Variants in KMT5C observed in about 807,000 individuals in gnomAD.
KMT5C encodes the protein lysine methyltransferase 5C.
Under a neutral mutation model 38.2 loss-of-function variants are expected in KMT5C, and 16 were observed. That is an observed-to-expected ratio of 0.42 (90% confidence interval 0.28 to 0.64). The LOEUF is 0.64. Ranked by LOEUF, KMT5C falls within the 30% of genes least tolerant of loss-of-function variation. KMT5C has a pLI of 0.23. For synonymous variants in KMT5C, 291 were observed against 279.0 expected, an observed-to-expected ratio of 1.04 and a Z score of -0.43; for missense variants, 598 against 665.1, an observed-to-expected ratio of 0.90 and a Z score of 1.11.
chr19:55,341,639 A>AG, intron 1 of KMT5C, 155 bp from the exon 2 acceptor site: 1 of 440,292 alleles, frequency 2.3e-6, no homozygotes, highest in Non-Finnish European at 4.2e-6. Context: ...TTGTGTGTTT[A>AG]GGGGGGATCT....
At chr19:55,342,112 C>T (rs1438642674) in intron 2 of KMT5C, 66 bp downstream of exon 2, 2 of 1,575,298 alleles carry the variant, frequency 1.3e-6, no homozygotes, top group East Asian at 2.2e-5. Flanking sequence ...ACCGCTGCCG[C>T]CCCTCGGCCC....
intron 6 of KMT5C, 200 bp downstream of exon 6, chr19:55,344,197 C>G (rs2089591413): frequency 2.0e-6 from 1 of 509,764 alleles, no homozygotes. Flanking sequence ...CCCATCTCTA[C>G]TAAAAACACA....
At position 55,342,561 on chromosome 19, in the gene KMT5C, C is replaced by T. The variant is rs549623514; in HGVS notation, c.276+181C>T. The T allele has an allele frequency of 7.5e-5, 48 of 636,690 alleles. No individual in the cohort carries two copies. In the East Asian group the frequency reaches 1.3e-3, roughly 17 times the overall value. The allele number at this position is 636,690 out of a possible 1,614,324, so 39.4% of individuals were successfully genotyped here. On this transcript the variant is annotated intron_variant, in intron 3 of 8. Transcript: ENST00000255613. The stretch of plus-strand genomic sequence containing the variant: ...TCCTAGGAGAGGAGAGTTGGGGGGG[C>T]CCTCTGAGATGTAGTCCAACCTCTT...
At chr19:55,345,949 C>A in intron 6 of KMT5C, 1 of 529,600 alleles carries the variant, frequency 1.9e-6, no homozygotes, top group Non-Finnish European at 3.4e-6. Context: ...CCACTGCTGG[C>A]ACTGCACGCT....
In KMT5C at chr19:55,342,301, G is replaced by C. The variant is rs753614252; in HGVS notation, c.197G>C (p.Arg66Pro). ...LRQRDLEAAY[R>P]ALTLGGWTAR... ...CAGCGGGACCTGGAGGCTGCGTACCGGGCCCTGACGCTGGGAGGCTGGACG... is the reference window on the plus strand; with the variant it reads ...CAGCGGGACCTGGAGGCTGCGTACCCGGCCCTGACGCTGGGAGGCTGGACG... The change falls in exon 3 of 9, where the codon CGG becomes CCG. Residue 66 changes from arginine to proline, a missense_variant. By Grantham distance (103) the Arg-to-Pro change is moderately radical. Coordinates refer to ENST00000255613, the MANE Select transcript of KMT5C (RefSeq NM_032701.4). 1.3e-6 allele frequency: 2 copies of C among 1,590,282 alleles called. No homozygotes were observed. Among genetic ancestry groups the C allele is most frequent in the African/African-American group, 1.3e-5 (1 of 74,452 alleles).
Position 55,346,678 on chromosome 19 carries a change from C to A in KMT5C, c.886C>A (p.Pro296Thr), listed in dbSNP as rs985142090. Residue 296 changes from proline (P) to threonine (T), a missense_variant, in exon 8 of 9, where the codon CCA (proline) becomes ACA (threonine). Coordinates refer to ENST00000255613, the MANE Select transcript of KMT5C (RefSeq NM_032701.4). ...CVHPSPLRRD[P>T]FCAACQPLRL... Reference sequence around the variant, plus strand: ...GCACCCATCCCCGCTGCGCCGGGACCCATTCTGCGGTGAGCACCCCTCCCT... The same window carrying A: ...GCACCCATCCCCGCTGCGCCGGGACACATTCTGCGGTGAGCACCCCTCCCT... The A allele has an allele frequency of 1.2e-5, 18 of 1,565,160 alleles. No individual in the cohort carries two copies. The highest frequency in any genetic ancestry group is 3.8e-5 in the Admixed American group (2 of 52,670).
At position 55,343,307 on chromosome 19, in the gene KMT5C, C is replaced by T. The variant is rs991939968; in HGVS notation, c.387-373C>T. 9.1e-6 allele frequency: 3 copies of T among 328,392 alleles called. No individual in the cohort carries two copies. The highest frequency in any genetic ancestry group is 1.7e-5 in the Non-Finnish European group (3 of 173,010). 20.3% of individuals were successfully genotyped at this position (328,392 alleles called of 1,614,324 possible). A position where few individuals can be genotyped will look rare whatever the true frequency, so the allele number is the denominator to read the frequency against. ...GAGGAATGAGCAAGTGCTCCCAGGG[C>T]GAGGCTCACACTGACAGGGGAAGCA... On this transcript the variant is annotated intron_variant, in intron 4 of 8. Coordinates refer to ENST00000255613, the MANE Select transcript of KMT5C (RefSeq NM_032701.4). The surrounding 1 kb of genome is among the most constrained non-coding windows in gnomAD (Gnocchi z 5.5).
rs2305785 is a variant in KMT5C at position 55,347,858 on chromosome 19, G to A, written c.*409G>A. The A allele has an allele frequency of 0.022, 3,977 of 179,010 alleles. 112 individuals are homozygous for A. Among genetic ancestry groups the A allele is most frequent in the East Asian group, 0.1 (678 of 6,494 alleles). The allele number at this position is 179,010 out of a possible 1,614,324, so 11.1% of individuals were successfully genotyped here. On this transcript the variant is annotated 3_prime_UTR_variant, in exon 9 of 9. Transcript: ENST00000255613. This position sits in a 1 kb window ranked among gnomAD's most constrained non-coding sequence, Gnocchi z 4.6. ...TAGGGGGTGGCACTCCCCAGAGACT[G>A]CCCTCACGAGGGGACTGGGTTCGCT...
chr19:55,345,049 G>A (rs554323419), intron 6 of KMT5C: 12 of 455,978 alleles, frequency 2.6e-5, no homozygotes, highest in South Asian at 1.5e-4. Context: ...ACAGACGCTG[G>A]GGGGGATGGA....
In KMT5C at chr19:55,342,346, G is replaced by A; in HGVS notation, c.242G>A (p.Arg81Gln). 2.6e-6 allele frequency: 4 copies of A among 1,547,614 alleles called. No homozygotes were observed. The highest frequency in any genetic ancestry group is 2.4e-5 in the East Asian group (1 of 41,124). The stretch of plus-strand genomic sequence containing the variant: ...TGGACGGCCCGCTACTTCCAGAGCC[G>A]GGGCCCGCGGCAGGAGGCTGCCCTC... ...GGWTARYFQS[R>Q]GPRQEAALKT... The change falls in exon 3 of 9, where the codon CGG (arginine) becomes CAG (glutamine). Residue 81 changes from arginine to glutamine, a missense_variant. Coordinates refer to ENST00000255613, the MANE Select transcript of KMT5C (RefSeq NM_032701.4).
In KMT5C at chr19:55,342,753, C is replaced by T; in HGVS notation, c.288C>T (p.Tyr96=). The change falls in exon 4 of 9, where the codon TAC becomes TAT. Residue 96 remains tyrosine (Y), a synonymous_variant. Transcript: ENST00000255613. The part of the protein sequence containing the change: ...EAALKTHVYR[Y]LRAFLPESGF... The stretch of plus-strand genomic sequence containing the variant: ...CTCACCCTCACCAGGTCTATCGCTA[C>T]CTCCGTGCCTTCCTGCCGGAAAGTG... 1 of 1,605,036 alleles carries T rather than the reference C, an allele frequency of 6.2e-7. No individual in the cohort carries two copies. Among genetic ancestry groups the T allele is most frequent in the Non-Finnish European group, 8.5e-7 (1 of 1,172,124 alleles).
At chr19:55,342,405 C>T in intron 3 of KMT5C, 25 bp downstream of exon 3, 1 of 1,451,258 alleles carries the variant, frequency 6.9e-7, no homozygotes, top group Non-Finnish European at 9.1e-7. Flanking sequence ...CCCTCCCCCG[C>T]CCTCACCGCG....
intron 4 of KMT5C, 48 bp downstream of exon 4, chr19:55,342,899 C>T (rs2089575858): frequency 2.6e-6 from 3 of 1,175,832 alleles, no homozygotes; most frequent in South Asian, 2.4e-5. Flanking sequence ...AGACAGAGCT[C>T]AGAGGGGACA....
At chr19:55,342,183 G>A (rs199818136) in intron 2 of KMT5C, 32 bp from the exon 3 acceptor site, 5 of 1,603,188 alleles carry the variant, frequency 3.1e-6, no homozygotes, top group Non-Finnish European at 4.3e-6. Context: ...GCCCGGGAAG[G>A]CCCTGGGACC....
chr19:55,342,474 G>A lies in KMT5C; in HGVS notation c.276+94G>A, dbSNP rs549878758. ...GGCAGACGCTCTAGAGTCCCTCAGC[G>A]CAGCCCCTGGGGCCCCCTGACTTCC... On this transcript the variant is annotated intron_variant, in intron 3 of 8. Transcript: ENST00000255613. 40 of 1,099,100 alleles carry A rather than the reference G, an allele frequency of 3.6e-5. No homozygotes were observed. In the East Asian group the frequency reaches 4.7e-4, roughly 13 times the overall value. 68.1% of individuals were successfully genotyped at this position (1,099,100 alleles called of 1,614,324 possible). A position where few individuals can be genotyped will look rare whatever the true frequency, so the allele number is the denominator to read the frequency against.
At chr19:55,340,074 C>T (rs1032327113) in intron 1 of KMT5C, 117 bp downstream of exon 1, 3 of 151,600 alleles carry the variant, frequency 2.0e-5, no homozygotes, top group Non-Finnish European at 4.4e-5. Context: ...GGCCCCTCCT[C>T]GTGTCCAGGC....
At chr19:55,341,732 T>C in intron 1 of KMT5C, 62 bp from the exon 2 acceptor site, 1 of 589,268 alleles carries the variant, frequency 1.7e-6, no homozygotes. Flanking sequence ...GAAGTACTTG[T>C]TGCATTCCAT....
Position 55,347,300 on chromosome 19 carries a change from C to T in KMT5C, c.1240C>T (p.Pro414Ser), listed in dbSNP as rs570501553. 1.3e-6 allele frequency: 2 copies of T among 1,569,408 alleles called. No homozygotes were observed. Among genetic ancestry groups the T allele is most frequent in the East Asian group, 2.3e-5 (1 of 42,796 alleles). The change falls in exon 9 of 9, where the codon CCA (proline) becomes TCA (serine). Residue 414 changes from proline (P) to serine (S), a missense_variant. Transcript: ENST00000255613. The surrounding 1 kb of genome is among the most constrained non-coding windows in gnomAD (Gnocchi z 4.6). Reference sequence around the variant, plus strand: ...CCTTCGTCGCCTGGCCCCAGCCCCACCAGCTACCCCAGCCCCTGCTGGGAC... The same window carrying T: ...CCTTCGTCGCCTGGCCCCAGCCCCATCAGCTACCCCAGCCCCTGCTGGGAC... ...VDLRRLAPAP[P>S]ATPAPAGTPG...
Position 55,346,268 on chromosome 19 carries a change from C to T in KMT5C, c.626C>T (p.Pro209Leu). 6.2e-7 allele frequency: 1 copy of T among 1,614,026 alleles called. No individual in the cohort carries two copies. The highest frequency in any genetic ancestry group is 8.5e-7 in the Non-Finnish European group (1 of 1,179,958). ...GTGAAGGTGCTCCGGGACATTGAGC[C>T]TGGGGACGAGGTGACATGCTTCTAC... ...ACVKVLRDIEPGDEVTCFYGE... is the reference protein window; with the variant it reads ...ACVKVLRDIELGDEVTCFYGE... The change falls in exon 7 of 9, where the codon CCT (proline) becomes CTT (leucine). Residue 209 changes from proline (P) to leucine (L), a missense_variant. Transcript: ENST00000255613.
Sources: allele counts gnomAD v4.1 joint callset, GRCh38; gene constraint gnomAD v4.1.1; non-coding constraint Gnocchi (gnomAD v3.1); transcripts MANE v1.5; gene names NCBI Gene and HGNC (gene_info 2026-07-23, HGNC 2026-07-21).